DRG2: variants seen among roughly 807,000 people sequenced by gnomAD.
DRG2 encodes the protein developmentally regulated GTP binding protein 2.
In DRG2, 36 loss-of-function variants were observed where a neutral mutation model predicts 53.4. That is an observed-to-expected ratio of 0.67 (90% CI 0.52 to 0.89). The LOEUF (loss-of-function observed/expected upper bound fraction) is 0.89, where lower values mean the gene tolerates loss of function less well. Among genes scored for constraint, DRG2 ranks in the 40% least tolerant of loss-of-function variants. The probability of loss-of-function intolerance (pLI) is 0.00; values close to 1 mark genes in which losing one functional copy is unlikely to be tolerated. For missense variants in DRG2, 342 were observed against 481.2 expected (o/e 0.71, Z 2.71); for synonymous variants, 167 against 192.1 (o/e 0.87, Z 1.08).
chr17:18,101,342 C>G (rs2045531861), intron 7 of DRG2, 151 bp from the exon 8 acceptor site: 1 of 656,102 alleles, frequency 1.5e-6, no homozygotes, highest in African/African-American at 1.8e-5. Context: ...CAGAGGGCTT[C>G]CAAAGCATTA....
chr17:18,090,391 TATATATATATATA>T (rs1476796476), intron 1 of DRG2, among the ~76,000 whole-genome samples: 13 of 13,188 alleles, frequency 9.9e-4, no homozygotes, highest in African/African-American at 5.3e-3. Context: ...TATATATATA[TATATATATATATA>T]TATTTTTTTT....
At chr17:18,105,467 C>T (rs1238268657) in intron 11 of DRG2, 2 of 152,306 alleles carry the variant, frequency 1.3e-5, no homozygotes, top group African/African-American at 2.4e-5. Flanking sequence ...AAGCCCAGCC[C>T]CAGGTCTCTG....
At position 18,099,208 on chromosome 17, in the gene DRG2, C is replaced by G; in HGVS notation, c.376+131C>G. On this transcript the variant is annotated intron_variant, in intron 4 of 12. Coordinates refer to ENST00000225729, the MANE Select transcript of DRG2 (RefSeq NM_001388.5). The surrounding 1 kb of genome is among the most constrained non-coding windows in gnomAD (Gnocchi z 4.4). ...TCCCGCTTTCCAGAAAAGACAGGTT[C>G]CAGTTCAAATCCTTGGCACCAAACT... The G allele has an allele frequency of 8.0e-7, 1 of 1,247,666 alleles. No homozygotes were observed. Among genetic ancestry groups the G allele is most frequent in the Non-Finnish European group, 1.1e-6 (1 of 889,412 alleles). 77.3% of individuals were successfully genotyped at this position (1,247,666 alleles called of 1,614,324 possible). A position where few individuals can be genotyped will look rare whatever the true frequency, so the allele number is the denominator to read the frequency against.
At position 18,100,116 on chromosome 17, in the gene DRG2, C is replaced by T. The variant is rs1348891167; in HGVS notation, c.468-247C>T. 2.4e-5 allele frequency: 14 copies of T among 591,046 alleles called. No homozygotes were observed. The East Asian group carries it at 2.8e-4, about 12-fold the overall frequency. The allele number at this position is 591,046 out of a possible 1,614,324, so 36.6% of individuals were successfully genotyped here. ...GGAGTACCCTCATGTGGTCACCTCGCGGGGGCTCCACCACTTGCCTGTGCA... is the reference window on the plus strand; with the variant it reads ...GGAGTACCCTCATGTGGTCACCTCGTGGGGGCTCCACCACTTGCCTGTGCA... On this transcript the variant is annotated intron_variant, in intron 5 of 12. Transcript: ENST00000225729. The surrounding 1 kb of genome is among the most constrained non-coding windows in gnomAD (Gnocchi z 4.1).
intron 1 of DRG2, among the ~76,000 whole-genome samples, chr17:18,091,631 C>T (rs910086140): frequency 6.6e-6 from 1 of 151,828 alleles, no homozygotes; most frequent in Non-Finnish European, 1.5e-5. Context: ...CCAAGGCGGG[C>T]GGATCACCTG....
intron 9 of DRG2, among the ~76,000 whole-genome samples, chr17:18,102,855 C>T (rs891160566): frequency 6.6e-6 from 1 of 152,216 alleles, no homozygotes; most frequent in African/African-American, 2.4e-5. Context: ...TGTTTGTTCA[C>T]TTGCCACCAC....
chr17:18,096,162 T>C (rs1239170179), intron 2 of DRG2: 2 of 152,238 alleles, frequency 1.3e-5, no homozygotes, highest in Non-Finnish European at 2.9e-5. Context: ...CCCCTGCTGA[T>C]GTTGATCTTG....
Position 18,087,951 on chromosome 17 carries a change from C to T in DRG2, c.-73C>T. 6.6e-7 allele frequency: 1 copy of T among 1,512,408 alleles called. No individual in the cohort carries two copies. The highest frequency in any genetic ancestry group is 1.2e-5 in the South Asian group (1 of 82,254). The allele number at this position is 1,512,408 out of a possible 1,614,324, so 93.7% of individuals were successfully genotyped here. ...CTTTGGCTTCCGGGCGCACGCTACT[C>T]TGTCGCCGCCGTCAGACCGGAATTG... On this transcript the variant is annotated 5_prime_UTR_variant, in exon 1 of 13. Coordinates refer to ENST00000225729, the MANE Select transcript of DRG2 (RefSeq NM_001388.5).
rs1344194009 is a variant in DRG2, at chr17:18,100,319, C to G, written c.468-44C>G. On this transcript the variant is annotated intron_variant, in intron 5 of 12. Transcript: ENST00000225729. The surrounding 1 kb of genome is among the most constrained non-coding windows in gnomAD (Gnocchi z 4.1). ...CGTAACAGGGAAGCTGTGCATCTGG[C>G]TCTGTGGACAGCCTGTGAGGGGCTT... is the stretch of plus-strand genomic sequence containing the variant. 1.2e-6 allele frequency: 2 copies of G among 1,600,146 alleles called. No homozygotes were observed. The highest frequency in any genetic ancestry group is 2.7e-5 in the African/African-American group (2 of 74,742).
chr17:18,090,388 A>ATATATG (rs2045302434), intron 1 of DRG2, among the ~76,000 whole-genome samples: 1 of 10,424 alleles, frequency 9.6e-5, no homozygotes, highest in Non-Finnish European at 1.4e-4. Flanking sequence ...ATATATATAT[A>ATATATG]TATATATATA....
Position 18,099,988 on chromosome 17 carries a change from T to C in DRG2, c.467+265T>C. On this transcript the variant is annotated intron_variant, in intron 5 of 12. Coordinates refer to ENST00000225729, the MANE Select transcript of DRG2 (RefSeq NM_001388.5). This position sits in a 1 kb window ranked among gnomAD's most constrained non-coding sequence, Gnocchi z 4.4. Reference sequence around the variant, plus strand: ...CCTGTTCAGAGGCACAGGTGCCTCATCACTGCCCAGAACCTGCCAGGAGCC... The same window carrying C: ...CCTGTTCAGAGGCACAGGTGCCTCACCACTGCCCAGAACCTGCCAGGAGCC... 1 of 588,922 alleles carries C rather than the reference T, an allele frequency of 1.7e-6. No individual in the cohort carries two copies. The highest frequency in any genetic ancestry group is 3.0e-6 in the Non-Finnish European group (1 of 330,726). The allele number at this position is 588,922 out of a possible 1,614,324, so 36.5% of individuals were successfully genotyped here.
At position 18,087,987 on chromosome 17, in the gene DRG2, C is replaced by T. The variant is rs1377173924; in HGVS notation, c.-37C>T. On this transcript the variant is annotated 5_prime_UTR_variant, in exon 1 of 13. Transcript: ENST00000225729. ...GTCAGACCGGAATTGCCGGTGCCGC[C>T]GCCACCGCTGTCTGTGCGCCCACCT... 1.9e-6 allele frequency: 3 copies of T among 1,543,776 alleles called. No individual in the cohort carries two copies. Among genetic ancestry groups the T allele is most frequent in the African/African-American group, 2.7e-5 (2 of 72,806 alleles).
chr17:18,104,569 A>AT, intron 10 of DRG2, 54 bp from the exon 11 acceptor site: 1 of 1,612,334 alleles, frequency 6.2e-7, no homozygotes, highest in Non-Finnish European at 8.5e-7. Flanking sequence ...GAATCACAAG[A>AT]TGGCAGTGTG....
chr17:18,102,447 C>G (rs1198379624), intron 9 of DRG2, among the ~76,000 whole-genome samples: 2 of 151,372 alleles, frequency 1.3e-5, no homozygotes, highest in Non-Finnish European at 2.9e-5. Flanking sequence ...ATGGTGAAAC[C>G]CTGTCTCTAC....
In DRG2 at chr17:18,103,343, C is replaced by A. The variant is rs986822514; in HGVS notation, c.807-458C>A. On this transcript the variant is annotated intron_variant, in intron 9 of 12. Coordinates refer to ENST00000225729, the MANE Select transcript of DRG2 (RefSeq NM_001388.5). This position sits in a 1 kb window ranked among gnomAD's most constrained non-coding sequence, Gnocchi z 4.4. ...TGCGAGGTAGGGACTGGGTTCATGC[C>A]TGTTCTACATGTAAAGGCTCTGGTG... 6.6e-6 allele frequency among the ~76,000 whole-genome samples: 1 copy of A among 152,148 alleles called. No homozygotes were observed. Among genetic ancestry groups the A allele is most frequent in the African/African-American group, 2.4e-5 (1 of 41,434 alleles).
intron 8 of DRG2, 87 bp from the exon 9 acceptor site, chr17:18,101,834 G>T: frequency 6.9e-7 from 1 of 1,443,604 alleles, no homozygotes; most frequent in Non-Finnish European, 9.5e-7. Context: ...CCAAGGAAGG[G>T]CTGCAGCCGG....
At chr17:18,089,813 G>A (rs2142176296) in intron 1 of DRG2, among the ~76,000 whole-genome samples, 1 of 152,248 alleles carries the variant, frequency 6.6e-6, no homozygotes, top group South Asian at 2.1e-4. Context: ...AACAAACTTG[G>A]CTGTTTACAG....
chr17:18,098,567 G>A lies in DRG2; in HGVS notation c.315+208G>A, dbSNP rs1227503031. 3.8e-6 allele frequency: 2 copies of A among 527,060 alleles called. No homozygotes were observed. The highest frequency in any genetic ancestry group is 6.9e-6 in the Non-Finnish European group (2 of 290,002). The allele number at this position is 527,060 out of a possible 1,614,324, so 32.6% of individuals were successfully genotyped here. A position where few individuals can be genotyped will look rare whatever the true frequency, so the allele number is the denominator to read the frequency against. The stretch of plus-strand genomic sequence containing the variant: ...GCCTGGTGGGGCCTGGAACTAGGAG[G>A]TCAGGCCAGCATGTGGCTACTTTGC... On this transcript the variant is annotated intron_variant, in intron 3 of 12. Coordinates refer to ENST00000225729, the MANE Select transcript of DRG2 (RefSeq NM_001388.5). The surrounding 1 kb of genome is among the most constrained non-coding windows in gnomAD (Gnocchi z 4.1).
In DRG2 at chr17:18,099,731, G is replaced by A; in HGVS notation, c.467+8G>A. On this transcript the variant is annotated splice_region_variant and intron_variant, in intron 5 of 12. Transcript: ENST00000225729. This position sits in a 1 kb window ranked among gnomAD's most constrained non-coding sequence, Gnocchi z 4.4. Reference sequence around the variant, plus strand: ...CAAGGGAGAGGTGCAGAGGTCCGCAGGGTGGGGCATGGGGCAGGCTCACAT... The same window carrying A: ...CAAGGGAGAGGTGCAGAGGTCCGCAAGGTGGGGCATGGGGCAGGCTCACAT... 6.3e-7 allele frequency: 1 copy of A among 1,597,368 alleles called. No homozygotes were observed. The highest frequency in any genetic ancestry group is 8.5e-7 in the Non-Finnish European group (1 of 1,173,088).
Sources: gnomAD v4.1 joint callset for allele counts (sites outside exome capture counted in the v4.1 genomes callset) on GRCh38, gnomAD v4.1.1 for gene constraint, Gnocchi (gnomAD v3.1) non-coding constraint, MANE v1.5 for transcripts, NCBI Gene and HGNC (gene_info 2026-07-23, HGNC 2026-07-21) for gene names.